Variants in AMPH observed in about 807,000 individuals in gnomAD.
AMPH encodes the protein amphiphysin.
A neutral mutation model predicts 99.1 loss-of-function variants in AMPH; 49 were observed. That is an observed-to-expected ratio of 0.49 (90% CI 0.39 to 0.63). The LOEUF (loss-of-function observed/expected upper bound fraction) is 0.63, where lower values mean the gene tolerates loss of function less well. Ranked by LOEUF, AMPH falls within the 20% of genes least tolerant of loss-of-function variation. The probability of loss-of-function intolerance (pLI) is 0.00; values close to 1 mark genes in which losing one functional copy is unlikely to be tolerated. For missense variants in AMPH, 759 were observed against 863.4 expected, an observed-to-expected ratio of 0.88 and a Z score of 1.52; for synonymous variants, 314 against 317.3, an observed-to-expected ratio of 0.99 and a Z score of 0.11.
rs1786057318 is a variant in AMPH, at chr7:38,432,195, T to C, written c.1152A>G (p.Leu384=). The C allele has an allele frequency of 6.2e-7, 1 of 1,612,804 alleles. No homozygotes were observed. The highest frequency in any genetic ancestry group is 8.5e-7 in the Non-Finnish European group (1 of 1,178,764). The change falls in exon 13 of 21, where the codon CTA becomes CTG. Residue 384 remains leucine (L), a synonymous_variant. Transcript: ENST00000356264. ...AGAGTTATTAGTGGCTTACCGTCCA[T>C]AGGTCCCAGGGCAATGTCTGAAAGC... ...SPMSQTLPWD[L]WTTSTDLVQP... is the part of the protein sequence containing the mutation.
chr7:38,461,181 T>C (rs575634685), intron 11 of AMPH, 102 bp downstream of exon 11: 1 of 1,333,258 alleles, frequency 7.5e-7, no homozygotes, highest in Admixed American at 1.9e-5. Context: ...ATTAAAATTA[T>C]GTTGTTGGTT....
At chr7:38,595,469 C>T (rs1002766179) in intron 1 of AMPH, among the ~76,000 whole-genome samples, 2 of 152,096 alleles carry the variant, frequency 1.3e-5, no homozygotes, top group African/African-American at 2.4e-5. Flanking sequence ...CAGTGAAGCC[C>T]GAATACAGAG....
Position 38,525,277 on chromosome 7 carries a change from T to TATATATATAG in AMPH, c.150+9653_150+9654insCTATATATAT, listed in dbSNP as rs1481528083. On this transcript the variant is annotated intron_variant, in intron 2 of 20. Coordinates refer to ENST00000356264, the MANE Select transcript of AMPH (RefSeq NM_001635.4). Reference sequence around the variant, plus strand: ...GTGTGTGTATATATATATATATATATAGAGAGAGAGAGAGAGAGAGAGAGA... The same window carrying TATATATATAG: ...GTGTGTGTATATATATATATATATATATATATATAGAGAGAGAGAGAGAGAGAGAGAGAGA... Among the ~76,000 whole-genome samples the TATATATATAG allele has an allele frequency of 8.2e-3, 710 of 86,588 alleles. 2 individuals carry two copies. Among genetic ancestry groups the TATATATATAG allele is most frequent in the East Asian group, 0.027 (74 of 2,764 alleles). 56.8% of individuals were successfully genotyped at this position (86,588 alleles called of 152,430 possible). A position where few individuals can be genotyped will look rare whatever the true frequency, so the allele number is the denominator to read the frequency against.
intron 16 of AMPH, among the ~76,000 whole-genome samples, chr7:38,420,156 G>T (rs948788334): frequency 6.6e-6 from 1 of 152,166 alleles, no homozygotes; most frequent in Non-Finnish European, 1.5e-5. Flanking sequence ...TAAATTCCAG[G>T]AGGATAGTAT....
chr7:38,567,983 A>G (rs1791807885), intron 1 of AMPH, among the ~76,000 whole-genome samples: 3 of 152,130 alleles, frequency 2.0e-5, no homozygotes, highest in Admixed American at 2.0e-4. Flanking sequence ...TTCCTGTTAC[A>G]TATTATTTTG....
At chr7:38,523,773 T>C (rs984711914) in intron 2 of AMPH, among the ~76,000 whole-genome samples, 2 of 152,116 alleles carry the variant, frequency 1.3e-5, no homozygotes, top group Non-Finnish European at 1.5e-5. Context: ...TTCAAAATAA[T>C]TCACCATGTA....
intron 1 of AMPH, among the ~76,000 whole-genome samples, chr7:38,563,261 AG>A (rs1791620567): frequency 1.5e-5 from 1 of 66,456 alleles, no homozygotes; most frequent in Non-Finnish European, 4.2e-5. Flanking sequence ...TTCTGTAAGG[AG>A]AAGACTCTCT....
At chr7:38,413,259 T>G (rs1785265494) in intron 17 of AMPH, among the ~76,000 whole-genome samples, 1 of 152,146 alleles carries the variant, frequency 6.6e-6, no homozygotes, top group African/African-American at 2.4e-5. Flanking sequence ...TTGAGGTAAG[T>G]GGGGCTTAGG....
chr7:38,572,359 A>G (rs1334275010), intron 1 of AMPH, among the ~76,000 whole-genome samples: 2 of 152,204 alleles, frequency 1.3e-5, no homozygotes, highest in Non-Finnish European at 2.9e-5. Flanking sequence ...AGGCTATGCT[A>G]TACAGCCCTG....
intron 1 of AMPH, among the ~76,000 whole-genome samples, chr7:38,603,388 C>T (rs1208769489): frequency 1.3e-5 from 2 of 150,750 alleles, no homozygotes; most frequent in African/African-American, 4.9e-5. Context: ...ATAAAAATCA[C>T]ATTAAGAAAC....
intron 7 of AMPH, among the ~76,000 whole-genome samples, chr7:38,474,112 A>G (rs1325217550): frequency 8.5e-5 from 13 of 152,098 alleles, no homozygotes; most frequent in Admixed American, 7.9e-4. Flanking sequence ...GGACAGTGGG[A>G]CCAGAGAAAG....
At chr7:38,498,047 A>G (rs1788996662) in intron 3 of AMPH, among the ~76,000 whole-genome samples, 1 of 151,988 alleles carries the variant, frequency 6.6e-6, no homozygotes, top group African/African-American at 2.4e-5. Context: ...TGTCTTACTA[A>G]TACCTCAAAC....
chr7:38,442,294 T>C (rs993148627), intron 11 of AMPH, among the ~76,000 whole-genome samples: 2 of 152,138 alleles, frequency 1.3e-5, no homozygotes, highest in African/African-American at 4.8e-5. Flanking sequence ...AGCATGAAGG[T>C]GGCTGCCATA....
At chr7:38,566,181 A>T (rs1433328480) in intron 1 of AMPH, among the ~76,000 whole-genome samples, 4 of 152,216 alleles carry the variant, frequency 2.6e-5, no homozygotes, top group African/African-American at 9.7e-5. Flanking sequence ...TGCTATGACC[A>T]AAAACAATAG....
intron 1 of AMPH, among the ~76,000 whole-genome samples, chr7:38,571,428 A>AATATAT (rs1792022358): frequency 1.3e-4 from 5 of 39,450 alleles, no homozygotes; most frequent in Non-Finnish European, 2.1e-4. Flanking sequence ...TTATATATAG[A>AATATAT]ATATTTATAT....
chr7:38,530,324 A>T (rs1281817297), intron 2 of AMPH, among the ~76,000 whole-genome samples: 1 of 152,182 alleles, frequency 6.6e-6, no homozygotes, highest in Non-Finnish European at 1.5e-5. Flanking sequence ...ACCACTGGAG[A>T]GGATTTCAGG....
intron 11 of AMPH, among the ~76,000 whole-genome samples, chr7:38,458,381 C>T (rs1403729026): frequency 6.6e-6 from 1 of 151,994 alleles, no homozygotes; most frequent in Non-Finnish European, 1.5e-5. Flanking sequence ...ATCTTAATAC[C>T]AAAACCAAAC....
chr7:38,429,785 G>A (rs1785932830), intron 14 of AMPH, 57 bp downstream of exon 14: 2 of 1,505,758 alleles, frequency 1.3e-6, no homozygotes, highest in Non-Finnish European at 9.1e-7. Context: ...AATATACTAT[G>A]TATGTAATGC....
intron 5 of AMPH, among the ~76,000 whole-genome samples, chr7:38,489,618 CAT>C (rs981393087): frequency 1.3e-5 from 2 of 152,072 alleles, no homozygotes; most frequent in African/African-American, 4.8e-5. Flanking sequence ...CTGCAAACCA[CAT>C]GTTTGATGAG....
Sources: allele counts gnomAD v4.1 joint callset (sites outside exome capture counted in the v4.1 genomes callset), GRCh38; gene constraint gnomAD v4.1.1; transcripts MANE v1.5; gene names NCBI Gene and HGNC (gene_info 2026-07-23, HGNC 2026-07-21).